The following TMEM135 variants were observed in gnomAD, a reference collection of about 807,000 sequenced individuals.
TMEM135 encodes the protein peroxisomal membrane protein 52.
Under a neutral mutation model 60.3 loss-of-function variants are expected in TMEM135, and 30 were observed. The ratio of observed to expected loss-of-function variants is 0.50; its 90% CI spans 0.37 to 0.68. TMEM135 has a LOEUF of 0.68. TMEM135 is among the 30% of genes least tolerant of loss of function. The pLI is 0.00. For missense variants in TMEM135, 468 were observed against 548.8 expected (o/e 0.85, Z 1.47); for synonymous variants, 190 against 186.7 (o/e 1.02, Z -0.14).
intron 4 of TMEM135, among the ~76,000 whole-genome samples, chr11:87,148,065 T>C (rs1270952159): frequency 6.6e-6 from 1 of 152,218 alleles, no homozygotes; most frequent in Non-Finnish European, 1.5e-5. Context: ...TGTTAACTTA[T>C]TTTTAAACAA....
chr11:87,290,063 G>A (rs577059070), intron 6 of TMEM135, among the ~76,000 whole-genome samples: 39 of 152,156 alleles, frequency 2.6e-4, no homozygotes, highest in African/African-American at 9.4e-4. Context: ...TCTGTAGATT[G>A]CGAAGAAATA....
chr11:87,325,272 G>A lies in TMEM135; in HGVS notation c.*3939G>A, dbSNP rs907583272. On this transcript the variant is annotated 3_prime_UTR_variant, in exon 15 of 15. Transcript: ENST00000305494. ...AGAAATGAAACTGACTCTAGTGTGTGTGACTTCTGGAAACAGAAGTGGGGC... is the reference window on the plus strand; with the variant it reads ...AGAAATGAAACTGACTCTAGTGTGTATGACTTCTGGAAACAGAAGTGGGGC... 3 of 453,948 alleles carry A rather than the reference G, an allele frequency of 6.6e-6. No individual in the cohort carries two copies. Among genetic ancestry groups the A allele is most frequent in the African/African-American group, 6.0e-5 (3 of 49,998 alleles). The allele number at this position is 453,948 out of a possible 1,614,324, so 28.1% of individuals were successfully genotyped here. A position where few individuals can be genotyped will look rare whatever the true frequency, so the allele number is the denominator to read the frequency against.
At chr11:87,214,963 A>T (rs535836918) in intron 5 of TMEM135, among the ~76,000 whole-genome samples, 39 of 152,146 alleles carry the variant, frequency 2.6e-4, no homozygotes, top group Non-Finnish European at 4.0e-4. Flanking sequence ...AAATAATTTT[A>T]TTGATTGTAT....
intron 3 of TMEM135, among the ~76,000 whole-genome samples, chr11:87,088,582 A>G (rs1038312467): frequency 3.3e-5 from 5 of 152,194 alleles, no homozygotes; most frequent in Non-Finnish European, 7.3e-5. Context: ...GCAAAAAGTT[A>G]AAAAAGATTA....
chr11:87,209,633 A>C (rs1277369182), intron 5 of TMEM135, among the ~76,000 whole-genome samples: 2 of 152,212 alleles, frequency 1.3e-5, no homozygotes, highest in East Asian at 3.8e-4. Context: ...CAGATCATTG[A>C]GGCAGAAAAC....
At chr11:87,166,602 A>T in intron 5 of TMEM135, among the ~76,000 whole-genome samples, 1 of 151,692 alleles carries the variant, frequency 6.6e-6, no homozygotes, top group Non-Finnish European at 1.5e-5. Context: ...TTAGTCAAAG[A>T]TCAGATAGTT....
At chr11:87,248,111 T>G (rs1307309436) in intron 6 of TMEM135, among the ~76,000 whole-genome samples, 1 of 152,202 alleles carries the variant, frequency 6.6e-6, no homozygotes, top group Admixed American at 6.5e-5. Flanking sequence ...TGATGGGAAC[T>G]TATATTGCTT....
chr11:87,261,845 G>A (rs1565146459), intron 6 of TMEM135, among the ~76,000 whole-genome samples: 1 of 152,116 alleles, frequency 6.6e-6, no homozygotes, highest in Non-Finnish European at 1.5e-5. Flanking sequence ...GGGTGGTCTA[G>A]AACTCTTGGG....
intron 5 of TMEM135, among the ~76,000 whole-genome samples, chr11:87,171,309 G>T (rs767727802): frequency 1.3e-5 from 2 of 150,590 alleles, no homozygotes; most frequent in Non-Finnish European, 2.9e-5. Context: ...TTTTCCAAAA[G>T]AGGTATTTCA....
At chr11:87,055,019 A>G (rs537599706) in intron 1 of TMEM135, among the ~76,000 whole-genome samples, 2 of 152,278 alleles carry the variant, frequency 1.3e-5, no homozygotes, top group East Asian at 3.9e-4. Flanking sequence ...AGTGAGGGGA[A>G]CGTGGAGGTT....
intron 4 of TMEM135, among the ~76,000 whole-genome samples, chr11:87,119,836 T>A (rs1004132675): frequency 1.3e-5 from 2 of 152,110 alleles, no homozygotes; most frequent in African/African-American, 4.8e-5. Flanking sequence ...TGGAAAAATA[T>A]CTTGGATAGA....
intron 6 of TMEM135, among the ~76,000 whole-genome samples, chr11:87,280,922 C>T (rs905139830): frequency 2.0e-5 from 3 of 152,278 alleles, no homozygotes; most frequent in Non-Finnish European, 2.9e-5. Context: ...GCCTATCAGC[C>T]GTATCCGCCT....
At chr11:87,264,140 T>C (rs1158962086) in intron 6 of TMEM135, among the ~76,000 whole-genome samples, 1 of 151,930 alleles carries the variant, frequency 6.6e-6, no homozygotes, top group Non-Finnish European at 1.5e-5. Flanking sequence ...TAATTAGTGC[T>C]GTTAAAAATT....
intron 4 of TMEM135, among the ~76,000 whole-genome samples, chr11:87,110,414 G>C (rs1448938133): frequency 6.6e-6 from 1 of 151,722 alleles, no homozygotes; most frequent in East Asian, 1.9e-4. Flanking sequence ...AGTGAGCCAT[G>C]CTTGCACTCC....
chr11:87,155,211 C>T (rs1484781032), intron 4 of TMEM135, among the ~76,000 whole-genome samples: 2 of 152,150 alleles, frequency 1.3e-5, no homozygotes, highest in Non-Finnish European at 2.9e-5. Context: ...GTTGGCCAGG[C>T]TGGTCTCGAA....
chr11:87,205,871 G>A (rs1338794292), intron 5 of TMEM135, among the ~76,000 whole-genome samples: 2 of 152,216 alleles, frequency 1.3e-5, no homozygotes, highest in East Asian at 3.9e-4. Flanking sequence ...TAAGGAATTG[G>A]GGACTTGGGA....
intron 5 of TMEM135, among the ~76,000 whole-genome samples, chr11:87,186,121 G>A (rs1040954775): frequency 7.2e-5 from 11 of 152,072 alleles, no homozygotes; most frequent in Admixed American, 1.3e-4. Context: ...TGGCCAGGAT[G>A]GTCTCAATCT....
At chr11:87,079,283 G>C (rs575304138) in intron 3 of TMEM135, among the ~76,000 whole-genome samples, 2 of 152,212 alleles carry the variant, frequency 1.3e-5, no homozygotes, top group Non-Finnish European at 2.9e-5. Context: ...TGGAATTACA[G>C]ATGTGAGCCA....
chr11:87,261,866 C>T (rs1338776805), intron 6 of TMEM135, among the ~76,000 whole-genome samples: 2 of 152,144 alleles, frequency 1.3e-5, no homozygotes, highest in Admixed American at 6.5e-5. Flanking sequence ...TTCAAGGAAT[C>T]GGCCTGCCTT....
Sources: gnomAD v4.1 joint callset for allele counts (sites outside exome capture counted in the v4.1 genomes callset) on GRCh38, gnomAD v4.1.1 for gene constraint, MANE v1.5 for transcripts, NCBI Gene and HGNC (gene_info 2026-07-23, HGNC 2026-07-21) for gene names.